DENND5B: variants seen among roughly 807,000 people sequenced by gnomAD.
The protein encoded by DENND5B is DENN domain containing 5B, also known as DENN domain-containing protein 5B.
DENND5B carries 34 observed loss-of-function variants against 140.6 expected under a neutral mutation model. That is an observed-to-expected ratio of 0.24 (90% CI 0.18 to 0.32). DENND5B has a LOEUF of 0.32. Among genes scored for constraint, DENND5B ranks in the 10% least tolerant of loss-of-function variants. DENND5B has a pLI of 1.00. For missense variants in DENND5B, 1,142 were observed against 1,560.2 expected, an observed-to-expected ratio of 0.73 and a Z score of 4.52; for synonymous variants, 551 against 562.1, an observed-to-expected ratio of 0.98 and a Z score of 0.28.
chr12:31,418,876 G>T (rs1385942010), intron 11 of DENND5B, among the ~76,000 whole-genome samples: 1 of 152,160 alleles, frequency 6.6e-6, no homozygotes, highest in African/African-American at 2.4e-5. Flanking sequence ...CTGGCTCAAG[G>T]AATCCTCCCA....
chr12:31,526,889 T>C (rs1213982992), intron 1 of DENND5B, among the ~76,000 whole-genome samples: 1 of 152,230 alleles, frequency 6.6e-6, no homozygotes, highest in Non-Finnish European at 1.5e-5. Flanking sequence ...GTGACTCTAC[T>C]GTGAATTAAG....
chr12:31,583,661 G>A (rs1012448324), intron 1 of DENND5B, among the ~76,000 whole-genome samples: 1 of 151,470 alleles, frequency 6.6e-6, no homozygotes, highest in African/African-American at 2.4e-5. Context: ...CCGGGCAACA[G>A]AGCAAGACTG....
chr12:31,454,812 CTTTT>C (rs201720111), intron 4 of DENND5B, among the ~76,000 whole-genome samples: 3 of 93,904 alleles, frequency 3.2e-5, no homozygotes, highest in Admixed American at 1.0e-4. Flanking sequence ...GATTCAGTAT[CTTTT>C]TTTTTTTTTT....
rs1950604002 is a variant in DENND5B, at chr12:31,591,065, C to CG, written c.-234dup. On this transcript the variant is annotated 5_prime_UTR_variant, in exon 1 of 21. Transcript: ENST00000389082. ...GGAGCCCGGCCGGGTGGGGGAGGGG[C>CG]GCGGGGGGAGTGTCGGCCTGAGAGG... The CG allele has an allele frequency of 5.0e-6, 1 of 198,398 alleles. No homozygotes were observed. The highest frequency in any genetic ancestry group is 2.4e-5 in the African/African-American group (1 of 41,272). 12.3% of individuals were successfully genotyped at this position (198,398 alleles called of 1,614,324 possible).
intron 3 of DENND5B, among the ~76,000 whole-genome samples, chr12:31,468,256 A>ATTATTTAT (rs558636432): frequency 8.6e-5 from 13 of 152,000 alleles, no homozygotes; most frequent in Non-Finnish European, 1.8e-4. Flanking sequence ...CCTGTCTCAA[A>ATTATTTAT]TTATTTATTT....
intron 1 of DENND5B, among the ~76,000 whole-genome samples, chr12:31,503,669 C>T (rs1251200586): frequency 6.6e-6 from 1 of 152,188 alleles, no homozygotes; most frequent in Non-Finnish European, 1.5e-5. Flanking sequence ...GTATTTTCCC[C>T]TGATTAAGGC....
In DENND5B at chr12:31,460,185, T is replaced by C. The variant is rs762910117; in HGVS notation, c.1092+9A>G. 7.5e-6 allele frequency: 12 copies of C among 1,602,588 alleles called. No individual in the cohort carries two copies. In the Admixed American group the frequency reaches 1.5e-4, roughly 21 times the overall value. On this transcript the variant is annotated intron_variant, in intron 4 of 20. Coordinates refer to ENST00000389082, the MANE Select transcript of DENND5B (RefSeq NM_144973.4). ...ACAGCAAATGCTTCATCATTCATTG[T>C]AGTTTTACCTCTTGAGGAAGTTCTA...
intron 1 of DENND5B, among the ~76,000 whole-genome samples, chr12:31,530,810 C>A (rs2139080788): frequency 6.6e-6 from 1 of 152,238 alleles, no homozygotes; most frequent in African/African-American, 2.4e-5. Flanking sequence ...TAGAGGAACC[C>A]AAGCCTGGGA....
chr12:31,568,383 T>C (rs1592066423), intron 1 of DENND5B, among the ~76,000 whole-genome samples: 1 of 152,236 alleles, frequency 6.6e-6, no homozygotes, highest in African/African-American at 2.4e-5. Context: ...TCAACCTGTA[T>C]TGGGAATGTT....
At chr12:31,470,140 G>T (rs1482457823) in intron 3 of DENND5B, among the ~76,000 whole-genome samples, 3 of 137,854 alleles carry the variant, frequency 2.2e-5, no homozygotes, top group Non-Finnish European at 4.6e-5. Context: ...TTTGGAGATG[G>T]AGTTTCCCTT....
chr12:31,447,034 G>T (rs1442901760), intron 6 of DENND5B, among the ~76,000 whole-genome samples: 1 of 152,202 alleles, frequency 6.6e-6, no homozygotes, highest in East Asian at 1.9e-4. Context: ...CACTTTGGGA[G>T]GCTGAGGAGG....
chr12:31,399,145 AG>A (rs375469889), intron 16 of DENND5B, among the ~76,000 whole-genome samples: 23,247 of 54,236 alleles, frequency 0.43, 6,107 homozygotes, highest in Non-Finnish European at 0.49. Flanking sequence ...AAAAAAAAAA[AG>A]AGAGAGAAAG....
chr12:31,408,737 T>G (rs1212722522), intron 14 of DENND5B, among the ~76,000 whole-genome samples: 1 of 152,190 alleles, frequency 6.6e-6, no homozygotes, highest in African/African-American at 2.4e-5. Flanking sequence ...TGATTTTATG[T>G]GTTTTCGTTA....
intron 2 of DENND5B, among the ~76,000 whole-genome samples, chr12:31,489,360 G>C (rs187925385): frequency 3.0e-4 from 44 of 145,918 alleles, no homozygotes; most frequent in African/African-American, 1.1e-3. Context: ...TAACTCAAAA[G>C]ACAAAGATAA....
chr12:31,462,672 A>G (rs1349452930), intron 3 of DENND5B, among the ~76,000 whole-genome samples: 1 of 152,188 alleles, frequency 6.6e-6, no homozygotes, highest in African/African-American at 2.4e-5. Flanking sequence ...ATACAAAAAA[A>G]GGCCGGGCAG....
chr12:31,518,063 CA>C (rs1439698813), intron 1 of DENND5B, among the ~76,000 whole-genome samples: 7 of 152,148 alleles, frequency 4.6e-5, no homozygotes, highest in Non-Finnish European at 8.8e-5. Context: ...GGGAGCAGTG[CA>C]AAGTGGAGAG....
intron 1 of DENND5B, among the ~76,000 whole-genome samples, chr12:31,584,515 T>C (rs1950325021): frequency 6.6e-6 from 1 of 152,224 alleles, no homozygotes; most frequent in Non-Finnish European, 1.5e-5. Flanking sequence ...CTGGGTAGTC[T>C]ATAAAGAAAT....
In DENND5B at chr12:31,502,997, C is replaced by T. The variant is rs550108084; in HGVS notation, c.128-7078G>A. On this transcript the variant is annotated intron_variant, in intron 1 of 20. Transcript: ENST00000389082. ...GATAGCTGAAAGACCTCTGAGCAAA[C>T]ATCCAAGTCCTTGGTTAAGGGTGCC... Among the ~76,000 whole-genome samples the T allele has an allele frequency of 2.8e-4, 42 of 152,304 alleles. 1 individual carries two copies. In the South Asian group the frequency reaches 3.7e-3, roughly 14 times the overall value.
At chr12:31,556,650 C>T in intron 1 of DENND5B, among the ~76,000 whole-genome samples, 1 of 152,124 alleles carries the variant, frequency 6.6e-6, no homozygotes, top group East Asian at 1.9e-4. Context: ...GACCCTATCT[C>T]TATTCTACTT....
Sources: allele counts gnomAD v4.1 joint callset (sites outside exome capture counted in the v4.1 genomes callset), GRCh38; gene constraint gnomAD v4.1.1; transcripts MANE v1.5; gene names NCBI Gene and HGNC (gene_info 2026-07-23, HGNC 2026-07-21).